NUP210: variants seen among roughly 807,000 people sequenced by gnomAD.
The protein encoded by NUP210 is nucleoporin 210.
A neutral mutation model predicts 196.0 loss-of-function variants in NUP210; 151 were observed. The observed-to-expected ratio is 0.77, with a 90% CI of 0.67 to 0.88. The LOEUF is 0.88. Among genes scored for constraint, NUP210 ranks in the 40% least tolerant of loss-of-function variants. The pLI, the probability that NUP210 is intolerant of heterozygous loss-of-function variation, is 0.00. For synonymous variants in NUP210, 1,070 were observed against 1,052.7 expected, an observed-to-expected ratio of 1.02 and a Z score of -0.32; for missense variants, 2,314 against 2,493.7, an observed-to-expected ratio of 0.93 and a Z score of 1.53.
At chr3:13,343,374 G>T in intron 20 of NUP210, 71 bp from the exon 21 acceptor site, 1 of 1,556,760 alleles carries the variant, frequency 6.4e-7, no homozygotes, top group Non-Finnish European at 8.7e-7. Context: ...CTCTGCTCAG[G>T]TTTGTGAGCA....
In NUP210 at chr3:13,371,893, C is replaced by T. The variant is rs1286264543; in HGVS notation, c.1727G>A (p.Cys576Tyr). ...CTCGACAGCCAAGTCAAAGTGGGAG[C>T]AGTCGCTCAAGGTGACCACCTCACT... ...GASEVVTLSD[C>Y]SHFDLAVEVE... Residue 576 changes from cysteine to tyrosine, a missense_variant, in exon 13 of 40, where the codon TGC becomes TAC. Cys to Tyr is a radical substitution (Grantham distance 194). Transcript: ENST00000254508. The T allele has an allele frequency of 1.2e-6, 2 of 1,610,254 alleles. No individual in the cohort carries two copies. Among genetic ancestry groups the T allele is most frequent in the Non-Finnish European group, 1.7e-6 (2 of 1,178,684 alleles).
chr3:13,345,487 G>A (rs1228349926), intron 20 of NUP210, among the ~76,000 whole-genome samples: 1 of 152,226 alleles, frequency 6.6e-6, no homozygotes, highest in Non-Finnish European at 1.5e-5. Flanking sequence ...GGAGGAGGGA[G>A]AGTGGACAAA....
At chr3:13,391,110 T>G in intron 4 of NUP210, 101 bp downstream of exon 4, 1 of 786,114 alleles carries the variant, frequency 1.3e-6, no homozygotes, top group Admixed American at 2.0e-5. Flanking sequence ...CCCAGACTCC[T>G]CAATGACCCA....
chr3:13,381,188 G>T (rs1044109250), intron 6 of NUP210, among the ~76,000 whole-genome samples: 1 of 152,232 alleles, frequency 6.6e-6, no homozygotes, highest in African/African-American at 2.4e-5. Flanking sequence ...TAACATAGTT[G>T]CTCAATGAAG....
chr3:13,328,121 G>A (rs1696851076), intron 31 of NUP210, among the ~76,000 whole-genome samples: 1 of 152,244 alleles, frequency 6.6e-6, no homozygotes. Context: ...GACCTGCAGT[G>A]CAGCCAAAGG....
chr3:13,351,882 G>A lies in NUP210; in HGVS notation c.2832C>T (p.Ala944=). 6.2e-7 allele frequency: 1 copy of A among 1,610,482 alleles called. No homozygotes were observed. Among genetic ancestry groups the A allele is most frequent in the Non-Finnish European group, 8.5e-7 (1 of 1,176,766 alleles). The change falls in exon 20 of 40, where the codon GCC becomes GCT. Residue 944 remains alanine, a synonymous_variant. Transcript: ENST00000254508. ...KVAYQEARGV[A]MVHPLLPGSS... ...GGGACCGATGGCCCAAGCTTACCAT[G>A]GCGACACCCCTGGCCTCCTGGTAGG...
chr3:13,368,147 C>T lies in NUP210; in HGVS notation c.1787-2056G>A, dbSNP rs181616883. ...CTGGAGTGCAGTGGCACAATCTTGG[C>T]TCACTGCAACCTCCACCTCCCAGGC... is the stretch of plus-strand genomic sequence containing the variant. On this transcript the variant is annotated intron_variant, in intron 13 of 39. Transcript: ENST00000254508. 2.6e-4 allele frequency among the ~76,000 whole-genome samples: 39 copies of T among 152,234 alleles called. No homozygotes were observed. In the East Asian group the frequency reaches 7.0e-3, roughly 27 times the overall value.
intron 36 of NUP210, 121 bp from the exon 37 acceptor site, chr3:13,320,100 C>T: frequency 1.1e-6 from 1 of 885,892 alleles, no homozygotes; most frequent in Admixed American, 2.2e-5. Context: ...AGCACCCCCG[C>T]TTCAGCCTGA....
Position 13,327,419 on chromosome 3 carries a change from G to T in NUP210, c.4305C>A (p.Ile1435=). The T allele has an allele frequency of 6.2e-7, 1 of 1,611,800 alleles. No homozygotes were observed. Among genetic ancestry groups the T allele is most frequent in the Non-Finnish European group, 8.5e-7 (1 of 1,179,118 alleles). Residue 1435 remains isoleucine, a synonymous_variant, in exon 32 of 40, where the codon ATC becomes ATA. Coordinates refer to ENST00000254508, the MANE Select transcript of NUP210 (RefSeq NM_024923.4). ...AGGTGTTGTTGGTGGGGCCCTTCCC[G>T]ATCTGCACAAAGTCGTCTCTAGGCA... The part of the protein sequence containing the change: ...FATNRDDFVQ[I]GKGPTNNTCV...
At position 13,323,243 on chromosome 3, in the gene NUP210, G is replaced by C; in HGVS notation, c.4768+66C>G. The C allele has an allele frequency of 1.9e-6, 3 of 1,603,022 alleles. No individual in the cohort carries two copies. The highest frequency in any genetic ancestry group is 2.6e-6 in the Non-Finnish European group (3 of 1,173,210). On this transcript the variant is annotated intron_variant, in intron 34 of 39. Transcript: ENST00000254508. The surrounding 1 kb of genome is among the most constrained non-coding windows in gnomAD (Gnocchi z 4.3). The stretch of plus-strand genomic sequence containing the variant: ...GAGAAGCAGATAAACTCCATCCAGA[G>C]GACACAGGAAGCCACCTCCCCGCTC...
intron 1 of NUP210, among the ~76,000 whole-genome samples, chr3:13,407,369 T>G (rs1363500193): frequency 6.6e-6 from 1 of 152,150 alleles, no homozygotes; most frequent in Non-Finnish European, 1.5e-5. Flanking sequence ...GAACCTGTCC[T>G]TCCTCTTCCC....
rs747772503 is a variant in NUP210 at position 13,360,386 on chromosome 3, G to A, written c.2038C>T (p.Gln680Ter). The change falls in exon 15 of 40, where the codon CAG becomes TAG. Residue 680 changes from glutamine (Q) to a stop codon, truncating the protein, a stop_gained. Transcript: ENST00000254508. LOFTEE classifies it high-confidence loss of function. Reference protein sequence around the residue: ...PWILEPSKFFQNVTAEDTDSI... With the variant: ...PWILEPSKFF Reference sequence around the variant, plus strand: ...TCAGTGTCCTCAGCGGTGACGTTCTGGAAGAATTTGGACGGCTCGAGGATC... The same window carrying A: ...TCAGTGTCCTCAGCGGTGACGTTCTAGAAGAATTTGGACGGCTCGAGGATC... 3 of 1,614,150 alleles carry A rather than the reference G, an allele frequency of 1.9e-6. No individual in the cohort carries two copies. Among genetic ancestry groups the A allele is most frequent in the African/African-American group, 1.3e-5 (1 of 75,056 alleles).
chr3:13,382,798 T>C (rs1699145312), intron 6 of NUP210, among the ~76,000 whole-genome samples: 1 of 152,178 alleles, frequency 6.6e-6, no homozygotes, highest in Non-Finnish European at 1.5e-5. Flanking sequence ...CTTTTCTGTC[T>C]AGCAAACCTG....
intron 6 of NUP210, among the ~76,000 whole-genome samples, chr3:13,382,948 C>A (rs1699150308): frequency 6.6e-6 from 1 of 151,922 alleles, no homozygotes; most frequent in Non-Finnish European, 1.5e-5. Flanking sequence ...GAGTCTGAGA[C>A]CAGCCTGGAC....
At chr3:13,333,626 T>C (rs566002867) in intron 28 of NUP210, among the ~76,000 whole-genome samples, 20 of 152,178 alleles carry the variant, frequency 1.3e-4, no homozygotes, top group Non-Finnish European at 2.8e-4. Flanking sequence ...GGAACAACAC[T>C]TCCCAAACGG....
At chr3:13,370,990 G>C (rs555371963) in intron 13 of NUP210, among the ~76,000 whole-genome samples, 42 of 152,340 alleles carry the variant, frequency 2.8e-4, no homozygotes, top group African/African-American at 1.0e-3. Flanking sequence ...CAGGCACCAC[G>C]GACTGCCCAC....
At chr3:13,391,071 T>C in intron 4 of NUP210, 140 bp downstream of exon 4, 1 of 645,034 alleles carries the variant, frequency 1.6e-6, no homozygotes, top group Non-Finnish European at 2.8e-6. Context: ...AATCAGACAC[T>C]CGGAATGTTA....
chr3:13,369,015 C>T lies in NUP210; in HGVS notation c.1786+2819G>A, dbSNP rs149538142. On this transcript the variant is annotated intron_variant, in intron 13 of 39. Transcript: ENST00000254508. ...ACTTTCTTGAGGAACCACCATACTG[C>T]TTTCCACAGCAGCAGCACCTTTCAC... Among the ~76,000 whole-genome samples, 156 of 152,346 alleles carry T rather than the reference C, an allele frequency of 1.0e-3. 1 individual carries two copies. Among genetic ancestry groups the T allele is most frequent in the African/African-American group, 3.6e-3 (148 of 41,582 alleles).
intron 13 of NUP210, among the ~76,000 whole-genome samples, chr3:13,369,405 G>A (rs1323928999): frequency 1.3e-5 from 2 of 151,968 alleles, no homozygotes; most frequent in African/African-American, 2.4e-5. Context: ...TTGATATATA[G>A]AACTTTTTTA....
Sources: gnomAD v4.1 joint callset for allele counts (sites outside exome capture counted in the v4.1 genomes callset) on GRCh38, gnomAD v4.1.1 for gene constraint, Gnocchi (gnomAD v3.1) non-coding constraint, MANE v1.5 for transcripts, NCBI Gene and HGNC (gene_info 2026-07-23, HGNC 2026-07-21) for gene names.